The following RYR3 variants were observed in gnomAD, a reference collection of about 807,000 sequenced individuals.
RYR3 encodes ryanodine receptor 3.
A neutral mutation model predicts 584.3 loss-of-function variants in RYR3; 207 were observed. The observed-to-expected ratio is 0.35, with a 90% confidence interval of 0.32 to 0.40. The LOEUF is 0.40. RYR3 is among the 10% of genes least tolerant of loss of function. RYR3 has a pLI of 1.00. For synonymous variants in RYR3, 2,416 were observed against 2,248.5 expected, an observed-to-expected ratio of 1.07 and a Z score of -2.11; for missense variants, 5,616 against 6,089.2, an observed-to-expected ratio of 0.92 and a Z score of 2.59.
chr15:33,397,387 C>T (rs2141337319), intron 1 of RYR3, among the ~76,000 whole-genome samples: 1 of 152,324 alleles, frequency 6.6e-6, no homozygotes, highest in Non-Finnish European at 1.5e-5. Context: ...TGGAGTGGAG[C>T]CTTAACATTT....
chr15:33,509,477 G>A, intron 3 of RYR3, among the ~76,000 whole-genome samples: 1 of 152,174 alleles, frequency 6.6e-6, no homozygotes, highest in East Asian at 1.9e-4. Context: ...GTGTGAGGAG[G>A]AAACATGACT....
chr15:33,528,301 T>A (rs2054567652), intron 3 of RYR3, among the ~76,000 whole-genome samples: 1 of 152,158 alleles, frequency 6.6e-6, no homozygotes, highest in Non-Finnish European at 1.5e-5. Flanking sequence ...TTTACTCCTG[T>A]TCATCCACCC....
At chr15:33,632,166 T>C (rs2061300079) in intron 23 of RYR3, among the ~76,000 whole-genome samples, 1 of 152,248 alleles carries the variant, frequency 6.6e-6, no homozygotes, top group Non-Finnish European at 1.5e-5. Flanking sequence ...TCAGAGGTCC[T>C]GGATGGATTG....
chr15:33,371,513 A>G (rs2040329488), intron 1 of RYR3, among the ~76,000 whole-genome samples: 1 of 152,250 alleles, frequency 6.6e-6, no homozygotes. Flanking sequence ...GCTAGGCGCC[A>G]GCACATGATG....
intron 19 of RYR3, among the ~76,000 whole-genome samples, chr15:33,622,285 C>A (rs2152595344): frequency 6.6e-6 from 1 of 152,352 alleles, no homozygotes; most frequent in Non-Finnish European, 1.5e-5. Context: ...CGCCACCCTC[C>A]TTTCTGTTCA....
chr15:33,347,282 T>G (rs1297227450), intron 1 of RYR3, among the ~76,000 whole-genome samples: 2 of 152,178 alleles, frequency 1.3e-5, no homozygotes, highest in African/African-American at 4.8e-5. Context: ...TTTGGAAGTC[T>G]TCTGCATGGA....
intron 27 of RYR3, among the ~76,000 whole-genome samples, chr15:33,644,003 T>A (rs1453673581): frequency 5.3e-5 from 8 of 152,196 alleles, no homozygotes. Context: ...ACTTTTTCTC[T>A]TACTGGTTTT....
At chr15:33,719,940 T>C (rs1191738301) in intron 43 of RYR3, among the ~76,000 whole-genome samples, 1 of 152,232 alleles carries the variant, frequency 6.6e-6, no homozygotes, top group Admixed American at 6.5e-5. Flanking sequence ...CCTTTTAGTA[T>C]CTCCTGAGAA....
intron 38 of RYR3, among the ~76,000 whole-genome samples, chr15:33,674,645 A>G (rs1004209145): frequency 5.3e-5 from 8 of 152,216 alleles, no homozygotes; most frequent in Non-Finnish European, 1.2e-4. Context: ...GGGTATGGCT[A>G]GGCAACTCAA....
intron 1 of RYR3, among the ~76,000 whole-genome samples, chr15:33,427,936 C>CATT (rs2044783566): frequency 6.6e-6 from 1 of 152,226 alleles, no homozygotes; most frequent in Non-Finnish European, 1.5e-5. Context: ...CATGTGGGAA[C>CATT]TACTATCTTG....
chr15:33,362,733 T>C (rs1457651854), intron 1 of RYR3, among the ~76,000 whole-genome samples: 1 of 152,198 alleles, frequency 6.6e-6, no homozygotes, highest in Non-Finnish European at 1.5e-5. Flanking sequence ...ACTTCATGCT[T>C]GGAGAGCCCT....
intron 82 of RYR3, 95 bp downstream of exon 82, chr15:33,825,771 T>C: frequency 1.2e-6 from 1 of 806,078 alleles, no homozygotes; most frequent in Non-Finnish European, 1.9e-6. Flanking sequence ...TCGCTCTTGT[T>C]GCTCAGGCTG....
intron 3 of RYR3, among the ~76,000 whole-genome samples, chr15:33,515,191 A>G (rs991387183): frequency 3.9e-5 from 6 of 152,212 alleles, no homozygotes; most frequent in Non-Finnish European, 5.9e-5. Context: ...TTGTGAGTCG[A>G]TGAAATAGAG....
intron 1 of RYR3, among the ~76,000 whole-genome samples, chr15:33,384,091 C>G (rs552299086): frequency 3.9e-5 from 6 of 152,248 alleles, no homozygotes; most frequent in Admixed American, 1.3e-4. Context: ...CACTCTGCCC[C>G]CCTTTGATAG....
At chr15:33,780,628 C>G (rs1216862248) in intron 65 of RYR3, among the ~76,000 whole-genome samples, 2 of 152,188 alleles carry the variant, frequency 1.3e-5, no homozygotes, top group African/African-American at 4.8e-5. Context: ...CTTGTCTGCT[C>G]TGGGTTTCAG....
chr15:33,549,507 A>G (rs1230832608), intron 9 of RYR3, among the ~76,000 whole-genome samples: 1 of 152,210 alleles, frequency 6.6e-6, no homozygotes, highest in Non-Finnish European at 1.5e-5. Flanking sequence ...TCAGTGGATA[A>G]TTTCTCCCAT....
At chr15:33,395,365 G>T (rs1197769383) in intron 1 of RYR3, among the ~76,000 whole-genome samples, 1 of 152,232 alleles carries the variant, frequency 6.6e-6, no homozygotes, top group East Asian at 1.9e-4. Flanking sequence ...CTGGAGCACT[G>T]CTATGTTTGT....
intron 36 of RYR3, among the ~76,000 whole-genome samples, chr15:33,668,494 A>G (rs1336287243): frequency 6.6e-6 from 1 of 152,220 alleles, no homozygotes; most frequent in Non-Finnish European, 1.5e-5. Context: ...GAGGAAAAAC[A>G]TGGATGGGAA....
chr15:33,726,625 G>C (rs2068483052), intron 46 of RYR3, 119 bp downstream of exon 46: 1 of 1,057,178 alleles, frequency 9.5e-7, no homozygotes, highest in Non-Finnish European at 1.3e-6. Context: ...GCTGCACAGG[G>C]CAAGTGTCTC....
Sources: gnomAD v4.1 joint callset for allele counts (sites outside exome capture counted in the v4.1 genomes callset) on GRCh38, gnomAD v4.1.1 for gene constraint, MANE v1.5 for transcripts, NCBI Gene and HGNC (gene_info 2026-07-23, HGNC 2026-07-21) for gene names.